Variants in CISD3 observed in about 807,000 individuals in gnomAD.
The protein encoded by CISD3 is CDGSH iron sulfur domain 3, also known as CDGSH iron-sulfur domain-containing protein 3, mitochondrial.
CISD3 carries 11 observed loss-of-function variants against 14.1 expected under a neutral mutation model. The ratio of observed to expected loss-of-function variants is 0.78; its 90% CI spans 0.49 to 1.29. The LOEUF is 1.29. Among genes scored for constraint, CISD3 ranks in the 50% most tolerant of loss-of-function variants. The pLI, the probability that CISD3 is intolerant of heterozygous loss-of-function variation, is 0.00. For synonymous variants in CISD3, 53 were observed against 69.2 expected (o/e 0.77, Z 1.16); for missense variants, 156 against 171.6 (o/e 0.91, Z 0.51).
chr17:38,731,064 G>A (rs1906312110), intron 2 of CISD3: 1 of 640,530 alleles, frequency 1.6e-6, no homozygotes, highest in East Asian at 2.8e-5. Flanking sequence ...CTAGCACGCA[G>A]GTGGGAGCCA....
intron 3 of CISD3, among the ~76,000 whole-genome samples, chr17:38,732,685 A>G (rs955182140): frequency 6.6e-6 from 1 of 151,804 alleles, no homozygotes; most frequent in Non-Finnish European, 1.5e-5. Context: ...AAGGCATGTC[A>G]CCTTTCTGGG....
chr17:38,732,947 ACACACACACACACACACACACT>A (rs1373243661), intron 3 of CISD3, among the ~76,000 whole-genome samples: 4 of 109,464 alleles, frequency 3.7e-5, no homozygotes, highest in African/African-American at 1.2e-4. Context: ...AGACACACAC[ACACACACACACACACACACACT>A]CACACTCTAT....
chr17:38,730,598 C>A, intron 1 of CISD3, 162 bp from the exon 2 acceptor site: 1 of 863,830 alleles, frequency 1.2e-6, no homozygotes, highest in Non-Finnish European at 1.8e-6. Context: ...AGCACCTTCT[C>A]TTGCGACCTT....
At position 38,735,284 on chromosome 17, in the gene CISD3, G is replaced by T; in HGVS notation, c.*1829G>T. ...CATCTTGCGCCCCCTGCTGGTGGAGGATGGTGTCTGCAGGCAGTTCAAGCT... is the reference window on the plus strand; with the variant it reads ...CATCTTGCGCCCCCTGCTGGTGGAGTATGGTGTCTGCAGGCAGTTCAAGCT... On this transcript the variant is annotated 3_prime_UTR_variant, in exon 4 of 4. Coordinates refer to ENST00000613478, the MANE Select transcript of CISD3 (RefSeq NM_001136498.2). The T allele has an allele frequency of 6.7e-7, 1 of 1,487,632 alleles. No homozygotes were observed. The highest frequency in any genetic ancestry group is 9.0e-7 in the Non-Finnish European group (1 of 1,108,238). The allele number at this position is 1,487,632 out of a possible 1,614,324, so 92.2% of individuals were successfully genotyped here.
Position 38,735,309 on chromosome 17 carries a change from T to A in CISD3, c.*1854T>A, listed in dbSNP as rs1298823443. The A allele has an allele frequency of 1.3e-6, 2 of 1,527,624 alleles. No individual in the cohort carries two copies. Among genetic ancestry groups the A allele is most frequent in the Admixed American group, 1.9e-5 (1 of 51,960 alleles). 94.6% of individuals were successfully genotyped at this position (1,527,624 alleles called of 1,614,324 possible). A position where few individuals can be genotyped will look rare whatever the true frequency, so the allele number is the denominator to read the frequency against. On this transcript the variant is annotated 3_prime_UTR_variant, in exon 4 of 4. Transcript: ENST00000613478. ...GATGGTGTCTGCAGGCAGTTCAAGC[T>A]ACCCCCGTTGGCAGCTGTGGTGGCC...
rs1906431635 is a variant in CISD3, at chr17:38,733,351, A to G, written c.280A>G (p.Met94Val). 1 of 1,551,696 alleles carries G rather than the reference A, an allele frequency of 6.4e-7. No individual in the cohort carries two copies. The highest frequency in any genetic ancestry group is 8.7e-7 in the Non-Finnish European group (1 of 1,146,976). Reference sequence around the variant, plus strand: ...CAAGTTCAAGGCCCAAGAGACCCGCATGGTGGCACTCTGTACCTGCAAGGC... The same window carrying G: ...CAAGTTCAAGGCCCAAGAGACCCGCGTGGTGGCACTCTGTACCTGCAAGGC... ...PLKFKAQETR[M>V]VALCTCKATQ... The change falls in exon 4 of 4, where the codon ATG becomes GTG. Residue 94 changes from methionine to valine, a missense_variant. Transcript: ENST00000613478.
At chr17:38,731,180 G>T (rs1331680959) in intron 2 of CISD3, 140 bp from the exon 3 acceptor site, 6 of 1,182,014 alleles carry the variant, frequency 5.1e-6, no homozygotes, top group Non-Finnish European at 7.0e-6. Context: ...GAACGGTCTT[G>T]TTGGGTGGCA....
At chr17:38,730,578 C>G (rs1480846053) in intron 1 of CISD3, 172 bp downstream of exon 1, 1 of 831,356 alleles carries the variant, frequency 1.2e-6, no homozygotes, top group African/African-American at 1.7e-5. Context: ...CTGCCAGGAC[C>G]TCCGCAGCCA....
Position 38,734,160 on chromosome 17 carries a change from C to G in CISD3, c.*705C>G, listed in dbSNP as rs144991968. Reference sequence around the variant, plus strand: ...CTAAGGAGGTGGTCCGCTGACCTCTCAAGGGGTGGGGGTGGGGTCAGAGCT... The same window carrying G: ...CTAAGGAGGTGGTCCGCTGACCTCTGAAGGGGTGGGGGTGGGGTCAGAGCT... On this transcript the variant is annotated 3_prime_UTR_variant, in exon 4 of 4. Coordinates refer to ENST00000613478, the MANE Select transcript of CISD3 (RefSeq NM_001136498.2). 4.6e-5 allele frequency: 7 copies of G among 151,676 alleles called. No homozygotes were observed. The highest frequency in any genetic ancestry group is 1.7e-4 in the African/African-American group (7 of 41,106). 9.4% of individuals were successfully genotyped at this position (151,676 alleles called of 1,614,324 possible).
At chr17:38,730,537 C>A in intron 1 of CISD3, 131 bp downstream of exon 1, 1 of 920,184 alleles carries the variant, frequency 1.1e-6, no homozygotes, top group Non-Finnish European at 1.6e-6. Context: ...TGGCTTGCCT[C>A]AGCTCACAGG....
In CISD3 at chr17:38,735,403, G is replaced by A. The variant is rs1284212641; in HGVS notation, c.*1948G>A. 1.9e-6 allele frequency: 3 copies of A among 1,572,390 alleles called. No homozygotes were observed. The highest frequency in any genetic ancestry group is 2.6e-6 in the Non-Finnish European group (3 of 1,158,302). On this transcript the variant is annotated 3_prime_UTR_variant, in exon 4 of 4. Coordinates refer to ENST00000613478, the MANE Select transcript of CISD3 (RefSeq NM_001136498.2). ...CTGGAGGCCCATGGGAACTGGGAGA[G>A]CCATGGGATGGGGTGGCTGGGCTGG... is the stretch of plus-strand genomic sequence containing the variant.
intron 3 of CISD3, among the ~76,000 whole-genome samples, 161 bp from the exon 4 acceptor site, chr17:38,733,115 C>T (rs936887336): frequency 5.3e-5 from 8 of 152,184 alleles, no homozygotes; most frequent in Non-Finnish European, 1.0e-4. Flanking sequence ...TTATCACCCC[C>T]ACATTACAGA....
intron 3 of CISD3, among the ~76,000 whole-genome samples, 199 bp from the exon 4 acceptor site, chr17:38,733,077 T>C (rs538968194): frequency 6.6e-6 from 1 of 152,194 alleles, no homozygotes; most frequent in African/African-American, 2.4e-5. Context: ...ATCACGATCA[T>C]ATTTTATTTC....
Position 38,732,409 on chromosome 17 carries a change from G to A in CISD3, c.205-867G>A, listed in dbSNP as rs117157115. On this transcript the variant is annotated intron_variant, in intron 3 of 3. Coordinates refer to ENST00000613478, the MANE Select transcript of CISD3 (RefSeq NM_001136498.2). Reference sequence around the variant, plus strand: ...GCACTTTGCGAGGCCAAGGCAGGAGGCTCTTTTGAGTCCAGGAGTTCAAGA... The same window carrying A: ...GCACTTTGCGAGGCCAAGGCAGGAGACTCTTTTGAGTCCAGGAGTTCAAGA... Among the ~76,000 whole-genome samples, 107 of 152,274 alleles carry A rather than the reference G, an allele frequency of 7.0e-4. No homozygotes were observed. In the East Asian group the frequency reaches 0.019, roughly 27 times the overall value.
intron 3 of CISD3, among the ~76,000 whole-genome samples, chr17:38,732,279 C>T (rs1906366415): frequency 6.6e-6 from 1 of 152,194 alleles, no homozygotes; most frequent in African/African-American, 2.4e-5. Flanking sequence ...AGACAAGTTG[C>T]TGGTTTCTAT....
chr17:38,730,451 C>G, intron 1 of CISD3, 45 bp downstream of exon 1: 1 of 1,274,394 alleles, frequency 7.8e-7, no homozygotes. Context: ...GAACCCCAGC[C>G]GGGCCCCTGC....
chr17:38,733,666 T>C lies in CISD3; in HGVS notation c.*211T>C, dbSNP rs2143738833. Reference sequence around the variant, plus strand: ...GTTCAATGTTTGCTGATGGGGAAGATGGCAAAAACAAGCCTGCCCAACCAG... The same window carrying C: ...GTTCAATGTTTGCTGATGGGGAAGACGGCAAAAACAAGCCTGCCCAACCAG... On this transcript the variant is annotated 3_prime_UTR_variant, in exon 4 of 4. Coordinates refer to ENST00000613478, the MANE Select transcript of CISD3 (RefSeq NM_001136498.2). 1 of 563,794 alleles carries C rather than the reference T, an allele frequency of 1.8e-6. No individual in the cohort carries two copies. Among genetic ancestry groups the C allele is most frequent in the Non-Finnish European group, 3.0e-6 (1 of 331,420 alleles). 34.9% of individuals were successfully genotyped at this position (563,794 alleles called of 1,614,324 possible). A position where few individuals can be genotyped will look rare whatever the true frequency, so the allele number is the denominator to read the frequency against.
In CISD3 at chr17:38,735,294, G is replaced by A; in HGVS notation, c.*1839G>A. 6.6e-7 allele frequency: 1 copy of A among 1,507,284 alleles called. No individual in the cohort carries two copies. The highest frequency in any genetic ancestry group is 2.4e-5 in the East Asian group (1 of 41,346). 93.4% of individuals were successfully genotyped at this position (1,507,284 alleles called of 1,614,324 possible). A position where few individuals can be genotyped will look rare whatever the true frequency, so the allele number is the denominator to read the frequency against. On this transcript the variant is annotated 3_prime_UTR_variant, in exon 4 of 4. Coordinates refer to ENST00000613478, the MANE Select transcript of CISD3 (RefSeq NM_001136498.2). ...CCCCTGCTGGTGGAGGATGGTGTCTGCAGGCAGTTCAAGCTACCCCCGTTG... is the reference window on the plus strand; with the variant it reads ...CCCCTGCTGGTGGAGGATGGTGTCTACAGGCAGTTCAAGCTACCCCCGTTG...
At chr17:38,731,065 G>GT in intron 2 of CISD3, 1 of 641,306 alleles carries the variant, frequency 1.6e-6, no homozygotes, top group African/African-American at 1.8e-5. Flanking sequence ...TAGCACGCAG[G>GT]TGGGAGCCAG....
Sources: gnomAD v4.1 joint callset for allele counts (sites outside exome capture counted in the v4.1 genomes callset) on GRCh38, gnomAD v4.1.1 for gene constraint, MANE v1.5 for transcripts, NCBI Gene and HGNC (gene_info 2026-07-23, HGNC 2026-07-21) for gene names.